Variants in PPP2R5D observed in about 807,000 individuals in gnomAD.
PPP2R5D encodes serine/threonine-protein phosphatase 2A 56 kDa regulatory subunit delta isoform.
Under a neutral mutation model 79.1 loss-of-function variants are expected in PPP2R5D, and 12 were observed. The ratio of observed to expected loss-of-function variants is 0.15; its 90% CI spans 0.10 to 0.25. The LOEUF (loss-of-function observed/expected upper bound fraction) is 0.25. Among genes scored for constraint, PPP2R5D ranks in the 10% least tolerant of loss-of-function variants. The probability of loss-of-function intolerance (pLI) is 1.00; values close to 1 mark genes in which losing one functional copy is unlikely to be tolerated. For synonymous variants in PPP2R5D, 277 were observed against 286.6 expected, an observed-to-expected ratio of 0.97 and a Z score of 0.34; for missense variants, 419 against 760.2, an observed-to-expected ratio of 0.55 and a Z score of 5.28.
rs746122664 is a variant in PPP2R5D at position 43,007,463 on chromosome 6, C to T, written c.683C>T (p.Pro228Leu). The T allele has an allele frequency of 6.2e-7, 1 of 1,613,756 alleles. No homozygotes were observed. Among genetic ancestry groups the T allele is most frequent in the South Asian group, 1.1e-5 (1 of 91,072 alleles). ...LRFLESPDFQ[P>L]NIAKKYIDQK... ...TTCCTTGAGTCTCCTGATTTCCAGC[C>T]AAACATAGCCAAGAAGTACATCGAC... The change falls in exon 6 of 16, where the codon CCA becomes CTA. Residue 228 changes from proline (P) to leucine (L), a missense_variant. By Grantham distance (98) the Pro-to-Leu change is moderately conservative. Coordinates refer to ENST00000485511, the MANE Select transcript of PPP2R5D (RefSeq NM_006245.4). The surrounding 1 kb of genome is among the most constrained non-coding windows in gnomAD (Gnocchi z 4.5).
chr6:43,009,392 G>C lies in PPP2R5D; in HGVS notation c.1322G>C (p.Arg441Pro). The C allele has an allele frequency of 6.2e-7, 1 of 1,614,060 alleles. No individual in the cohort carries two copies. Among genetic ancestry groups the C allele is most frequent in the Non-Finnish European group, 8.5e-7 (1 of 1,180,016 alleles). Residue 441 changes from arginine (R) to proline (P), a missense_variant, in exon 12 of 16, where the codon CGA becomes CCA. This residue lies in a region of PPP2R5D where 196 missense variants were observed against 424.5 expected (regional missense o/e 0.46). Coordinates refer to ENST00000485511, the MANE Select transcript of PPP2R5D (RefSeq NM_006245.4). This position sits in a 1 kb window ranked among gnomAD's most constrained non-coding sequence, Gnocchi z 5.6. ...IMSLISDNAA[R>P]VLPIMFPALY... ...AGCCTGATAAGTGACAATGCTGCCCGAGTCCTCCCCATCATGTTCCCTGCA... is the reference window on the plus strand; with the variant it reads ...AGCCTGATAAGTGACAATGCTGCCCCAGTCCTCCCCATCATGTTCCCTGCA...
At chr6:43,005,545 ATCC>A (rs986908544) in intron 2 of PPP2R5D, among the ~76,000 whole-genome samples, 2 of 151,782 alleles carry the variant, frequency 1.3e-5, no homozygotes, top group African/African-American at 4.8e-5. Flanking sequence ...GCTTCAAGTA[ATCC>A]TCCTGCTTTG....
In PPP2R5D at chr6:43,009,293, C is replaced by T; in HGVS notation, c.1252-29C>T. The T allele has an allele frequency of 1.9e-6, 3 of 1,614,128 alleles. No individual in the cohort carries two copies. The highest frequency in any genetic ancestry group is 4.5e-5 in the East Asian group (2 of 44,880). Reference sequence around the variant, plus strand: ...CTGAGGTCTTGAGTGAAATGAGCAGCACCCACCGAGTCTGCCTCTCCCCAC... The same window carrying T: ...CTGAGGTCTTGAGTGAAATGAGCAGTACCCACCGAGTCTGCCTCTCCCCAC... On this transcript the variant is annotated intron_variant, in intron 11 of 15. Coordinates refer to ENST00000485511, the MANE Select transcript of PPP2R5D (RefSeq NM_006245.4). The surrounding 1 kb of genome is among the most constrained non-coding windows in gnomAD (Gnocchi z 5.6).
chr6:43,004,270 G>A (rs1200897055), intron 2 of PPP2R5D, among the ~76,000 whole-genome samples: 3 of 152,010 alleles, frequency 2.0e-5, no homozygotes, highest in Non-Finnish European at 4.4e-5. Context: ...CAATCCACCT[G>A]CCTTGGCCTC....
At chr6:42,985,218 G>A (rs544799499) in intron 1 of PPP2R5D, among the ~76,000 whole-genome samples, 2 of 152,170 alleles carry the variant, frequency 1.3e-5, no homozygotes, top group African/African-American at 4.8e-5. Context: ...ACCTAGAACA[G>A]CGCTGCTTTC....
At chr6:42,996,485 A>T (rs966253078) in intron 2 of PPP2R5D, among the ~76,000 whole-genome samples, 5 of 151,970 alleles carry the variant, frequency 3.3e-5, no homozygotes, top group African/African-American at 7.2e-5. Context: ...AAAATAAAAA[A>T]AAAATAAGGG....
Position 43,008,465 on chromosome 6 carries a change from A to T in PPP2R5D, c.1016A>T (p.Tyr339Phe). Reference protein sequence around the residue: ...PLHKVKSLSVYHPQLAYCVVQ... With the variant: ...PLHKVKSLSVFHPQLAYCVVQ... ...CACAAGGTCAAGTCCCTGAGTGTCT[A>T]CCACCCTCAGGTGAGCTGCCTTCCT... The change falls in exon 9 of 16, where the codon TAC becomes TTC. Residue 339 changes from tyrosine to phenylalanine, a missense_variant. This residue lies in a region of PPP2R5D where 196 missense variants were observed against 424.5 expected (regional missense o/e 0.46). Transcript: ENST00000485511. This position sits in a 1 kb window ranked among gnomAD's most constrained non-coding sequence, Gnocchi z 4.2. 6.2e-7 allele frequency: 1 copy of T among 1,609,746 alleles called. No individual in the cohort carries two copies. Among genetic ancestry groups the T allele is most frequent in the Non-Finnish European group, 8.5e-7 (1 of 1,176,048 alleles).
At chr6:42,989,130 G>A (rs61459816) in intron 1 of PPP2R5D, among the ~76,000 whole-genome samples, 12,219 of 152,224 alleles carry the variant, frequency 0.08, 697 homozygotes, top group African/African-American at 0.16. Context: ...TTGTCTGTGC[G>A]CTATTTGTGA....
rs775622856 is a variant in PPP2R5D at position 43,008,646 on chromosome 6, C to T, written c.1027-47C>T. The T allele has an allele frequency of 8.8e-6, 14 of 1,589,782 alleles. No homozygotes were observed. Among genetic ancestry groups the T allele is most frequent in the Non-Finnish European group, 1.2e-5 (14 of 1,158,316 alleles). On this transcript the variant is annotated intron_variant, in intron 9 of 15. Coordinates refer to ENST00000485511, the MANE Select transcript of PPP2R5D (RefSeq NM_006245.4). The surrounding 1 kb of genome is among the most constrained non-coding windows in gnomAD (Gnocchi z 4.2). The stretch of plus-strand genomic sequence containing the variant: ...TTTCTATCACTGACTTCTCTGAGAG[C>T]TTCTAGGACCTACACCTCACCTCCC...
chr6:42,998,015 T>TTATATA (rs1561843629), intron 2 of PPP2R5D, among the ~76,000 whole-genome samples: 191 of 32,214 alleles, frequency 5.9e-3, no homozygotes, highest in East Asian at 1.0e-2. Context: ...TGGGTTTTAT[T>TTATATA]TATATATATA....
In PPP2R5D at chr6:42,994,704, G is replaced by C. The variant is rs144975961; in HGVS notation, c.105+5016G>C. Among the ~76,000 whole-genome samples, 1,071 of 148,922 alleles carry C rather than the reference G, an allele frequency of 7.2e-3. 11 individuals carry two copies. Among genetic ancestry groups the C allele is most frequent in the Non-Finnish European group, 0.012 (783 of 66,488 alleles). On this transcript the variant is annotated intron_variant, in intron 2 of 15. Transcript: ENST00000485511. Reference sequence around the variant, plus strand: ...CCTGTAATCCCAGCCTGTTATCCCAGCTACTCGGGAGGCTGAGGCATGAGA... The same window carrying C: ...CCTGTAATCCCAGCCTGTTATCCCACCTACTCGGGAGGCTGAGGCATGAGA...
intron 2 of PPP2R5D, among the ~76,000 whole-genome samples, chr6:42,998,919 C>A (rs542609205): frequency 6.6e-6 from 1 of 152,290 alleles, no homozygotes; most frequent in South Asian, 2.1e-4. Context: ...CCTGTAATCC[C>A]AGCTACTCAG....
At position 43,011,199 on chromosome 6, in the gene PPP2R5D, G is replaced by A; in HGVS notation, c.1722G>A (p.Glu574=). Residue 574 remains glutamate, a synonymous_variant, in exon 16 of 16, where the codon GAG becomes GAA. Coordinates refer to ENST00000485511, the MANE Select transcript of PPP2R5D (RefSeq NM_006245.4). ...AAGTGCTGCTGCGGAGGAAGTCGGA[G>A]CTGCCCCAGGACGTGTACACCATCA... The part of the protein sequence containing the change: ...KEKVLLRRKS[E]LPQDVYTIKA... 1 of 1,614,124 alleles carries A rather than the reference G, an allele frequency of 6.2e-7. No individual in the cohort carries two copies. Among genetic ancestry groups the A allele is most frequent in the Non-Finnish European group, 8.5e-7 (1 of 1,180,012 alleles).
At chr6:42,990,901 G>A (rs1028788745) in intron 2 of PPP2R5D, among the ~76,000 whole-genome samples, 10 of 151,428 alleles carry the variant, frequency 6.6e-5, no homozygotes, top group Non-Finnish European at 8.8e-5. Context: ...TAGTAGAGAC[G>A]GTGTTTCACC....
rs1762179556 is a variant in PPP2R5D, at chr6:43,007,971, C to G, written c.763C>G (p.Arg255Gly). ...DLFDSEDPRE[R>G]DFLKTILHRI... ...ATTTGACAGTGAGGATCCTCGAGAG[C>G]GGGACTTCCTCAAGACCATTTTGCA... Residue 255 changes from arginine to glycine, a missense_variant, in exon 7 of 16, where the codon CGG becomes GGG. Coordinates refer to ENST00000485511, the MANE Select transcript of PPP2R5D (RefSeq NM_006245.4). This position sits in a 1 kb window ranked among gnomAD's most constrained non-coding sequence, Gnocchi z 4.5. 6.2e-7 allele frequency: 1 copy of G among 1,614,106 alleles called. No homozygotes were observed. Among genetic ancestry groups the G allele is most frequent in the Non-Finnish European group, 8.5e-7 (1 of 1,180,020 alleles).
chr6:42,994,802 G>C (rs1293020061), intron 2 of PPP2R5D, among the ~76,000 whole-genome samples: 1 of 143,390 alleles, frequency 7.0e-6, no homozygotes, highest in African/African-American at 2.6e-5. Context: ...TGGGCAACAA[G>C]AGCAAAACTC....
At position 43,006,459 on chromosome 6, in the gene PPP2R5D, C is replaced by A; in HGVS notation, c.106-4C>A. The A allele has an allele frequency of 6.2e-7, 1 of 1,612,338 alleles. No individual in the cohort carries two copies. Among genetic ancestry groups the A allele is most frequent in the Non-Finnish European group, 8.5e-7 (1 of 1,179,360 alleles). ...GGATTTCAACAGGTGACTTGTTTGA[C>A]CAGGCCCAGCCGCAGCCCCAGCCCC... On this transcript the variant is annotated splice_polypyrimidine_tract_variant and splice_region_variant and intron_variant, in intron 2 of 15. Coordinates refer to ENST00000485511, the MANE Select transcript of PPP2R5D (RefSeq NM_006245.4). The surrounding 1 kb of genome is among the most constrained non-coding windows in gnomAD (Gnocchi z 4.7).
intron 2 of PPP2R5D, among the ~76,000 whole-genome samples, chr6:42,998,142 C>T (rs144892812): frequency 0.28 from 34,903 of 123,052 alleles, 7,108 homozygotes; most frequent in African/African-American, 0.59. Context: ...TGGTGTGATG[C>T]TGGCTCACTG....
At chr6:42,998,046 T>TATATATAC (rs1712021485) in intron 2 of PPP2R5D, among the ~76,000 whole-genome samples, 1 of 29,618 alleles carries the variant, frequency 3.4e-5, no homozygotes, top group African/African-American at 9.5e-5. Context: ...TATATATATA[T>TATATATAC]ATATATATAT....
Sources: allele counts gnomAD v4.1 joint callset (sites outside exome capture counted in the v4.1 genomes callset), GRCh38; gene constraint gnomAD v4.1.1; regional missense constraint gnomAD v4.1.1; non-coding constraint Gnocchi (gnomAD v3.1); transcripts MANE v1.5; gene names NCBI Gene and HGNC (gene_info 2026-07-23, HGNC 2026-07-21).